FAR2: variants seen among roughly 807,000 people sequenced by gnomAD.
FAR2 encodes epididymis secretory protein Li 81.
FAR2 carries 19 observed loss-of-function variants against 56.0 expected under a neutral mutation model. The ratio of observed to expected loss-of-function variants is 0.34; its 90% CI spans 0.24 to 0.50. The LOEUF (loss-of-function observed/expected upper bound fraction) is 0.50, where lower values mean the gene tolerates loss of function less well. FAR2 is among the 20% of genes least tolerant of loss of function. FAR2 has a pLI of 0.98. For synonymous variants in FAR2, 219 were observed against 218.8 expected, an observed-to-expected ratio of 1.00 and a Z score of -0.01; for missense variants, 508 against 642.2, an observed-to-expected ratio of 0.79 and a Z score of 2.26.
rs552807425 is a variant in FAR2, at chr12:29,257,310, A to G, written c.-38-13102A>G. On this transcript the variant is annotated intron_variant, in intron 1 of 11. Coordinates refer to ENST00000536681, the MANE Select transcript of FAR2 (RefSeq NM_001271783.2). ...GAGAACCTTTGTGTGGACACTCTGTATCTAGCTAATCTGGTGGGGACGTGG... is the reference window on the plus strand; with the variant it reads ...GAGAACCTTTGTGTGGACACTCTGTGTCTAGCTAATCTGGTGGGGACGTGG... Among the ~76,000 whole-genome samples the G allele has an allele frequency of 4.1e-4, 62 of 151,674 alleles. No homozygotes were observed. In the East Asian group the frequency reaches 0.011, roughly 28 times the overall value.
chr12:29,195,096 C>A (rs556994180), intron 1 of FAR2, among the ~76,000 whole-genome samples: 3 of 152,254 alleles, frequency 2.0e-5, no homozygotes, highest in East Asian at 3.9e-4. Flanking sequence ...CCTATAAATT[C>A]TTGCTATTTA....
chr12:29,210,691 T>C (rs926370906), intron 1 of FAR2, among the ~76,000 whole-genome samples: 1 of 152,196 alleles, frequency 6.6e-6, no homozygotes, highest in Non-Finnish European at 1.5e-5. Flanking sequence ...GCTGGGCTCA[T>C]GCCTGTAATC....
chr12:29,212,107 G>A (rs536421943), intron 1 of FAR2, among the ~76,000 whole-genome samples: 8 of 151,744 alleles, frequency 5.3e-5, no homozygotes, highest in South Asian at 2.1e-4. Flanking sequence ...CTCAAAGTAC[G>A]TTCAGAAATA....
At chr12:29,188,778 G>GTT (rs1322697054) in intron 1 of FAR2, among the ~76,000 whole-genome samples, 2 of 138,798 alleles carry the variant, frequency 1.4e-5, no homozygotes, top group South Asian at 2.3e-4. Flanking sequence ...TTTGTTTTTT[G>GTT]TTTTTTTTTT....
chr12:29,311,996 C>A, intron 8 of FAR2, 46 bp downstream of exon 8: 1 of 1,432,292 alleles, frequency 7.0e-7, no homozygotes, highest in Non-Finnish European at 9.7e-7. Context: ...GTGTCTGGCA[C>A]AGAGAAAAAG....
rs1565489252 is a variant in FAR2 at position 29,253,207 on chromosome 12, G to GATATCTATCTAGATAGA, written c.-38-17205_-38-17204insATATCTATCTAGATAGA. ...TCTCTCTATCTATCTATCTAGATAG[G>GATATCTATCTAGATAGA]TATCTATATATCGATATCTATCTAG... On this transcript the variant is annotated intron_variant, in intron 1 of 11. Coordinates refer to ENST00000536681, the MANE Select transcript of FAR2 (RefSeq NM_001271783.2). Among the ~76,000 whole-genome samples, 19 of 84,004 alleles carry GATATCTATCTAGATAGA rather than the reference G, an allele frequency of 2.3e-4. 5 individuals carry two copies. The highest frequency in any genetic ancestry group is 8.6e-4 in the African/African-American group (16 of 18,670). 55.1% of individuals were successfully genotyped at this position (84,004 alleles called of 152,430 possible). A position where few individuals can be genotyped will look rare whatever the true frequency, so the allele number is the denominator to read the frequency against.
intron 1 of FAR2, among the ~76,000 whole-genome samples, chr12:29,170,838 G>A (rs770202852): frequency 1.7e-4 from 26 of 152,048 alleles, no homozygotes; most frequent in African/African-American, 6.3e-4. Context: ...TTATGCTGCT[G>A]TTCTCCCCTC....
chr12:29,321,671 T>G, intron 9 of FAR2, 124 bp from the exon 10 acceptor site: 1 of 1,132,280 alleles, frequency 8.8e-7, no homozygotes, highest in Non-Finnish European at 1.2e-6. Flanking sequence ...GAAGAAGAAT[T>G]TTAATGAGGA....
intron 1 of FAR2, among the ~76,000 whole-genome samples, chr12:29,167,539 C>T (rs1283177281): frequency 2.0e-5 from 3 of 152,198 alleles, no homozygotes; most frequent in African/African-American, 7.2e-5. Flanking sequence ...CATTTCATTT[C>T]ACTAACAAAT....
At chr12:29,315,360 G>A (rs1483865181) in intron 8 of FAR2, among the ~76,000 whole-genome samples, 2 of 152,180 alleles carry the variant, frequency 1.3e-5, no homozygotes, top group Non-Finnish European at 2.9e-5. Flanking sequence ...TCAGAGTGGT[G>A]GGCAGAGAGA....
At chr12:29,247,552 G>A (rs3948497) in intron 1 of FAR2, among the ~76,000 whole-genome samples, 46,658 of 151,942 alleles carry the variant, frequency 0.31, 9,014 homozygotes, top group Admixed American at 0.46. Context: ...CCTTGTTAAA[G>A]GTCTTCACAC....
chr12:29,248,057 A>T lies in FAR2; in HGVS notation c.-38-22355A>T, dbSNP rs574027153. On this transcript the variant is annotated intron_variant, in intron 1 of 11. Coordinates refer to ENST00000536681, the MANE Select transcript of FAR2 (RefSeq NM_001271783.2). Reference sequence around the variant, plus strand: ...TGTATTGTTATGTGTGACATCTGTGACCTTTGATGTTCATAGTAAATAGGT... The same window carrying T: ...TGTATTGTTATGTGTGACATCTGTGTCCTTTGATGTTCATAGTAAATAGGT... Among the ~76,000 whole-genome samples the T allele has an allele frequency of 3.9e-5, 6 of 152,314 alleles. No individual in the cohort carries two copies. The South Asian group carries it at 1.2e-3, about 32-fold the overall frequency.
At chr12:29,169,643 G>T (rs924912188) in intron 1 of FAR2, among the ~76,000 whole-genome samples, 1 of 152,184 alleles carries the variant, frequency 6.6e-6, no homozygotes, top group Non-Finnish European at 1.5e-5. Flanking sequence ...CCCTAAGAAG[G>T]TGCAGAGTCC....
At chr12:29,194,821 G>A (rs1467066836) in intron 1 of FAR2, among the ~76,000 whole-genome samples, 1 of 152,058 alleles carries the variant, frequency 6.6e-6, no homozygotes, top group Admixed American at 6.6e-5. Flanking sequence ...GAAGATGGAA[G>A]GGTTAGGCTG....
intron 10 of FAR2, among the ~76,000 whole-genome samples, chr12:29,324,199 A>C (rs911701083): frequency 6.6e-6 from 1 of 152,194 alleles, no homozygotes; most frequent in African/African-American, 2.4e-5. Flanking sequence ...GTTTAGAGAA[A>C]AAAGAATAAA....
At chr12:29,151,713 ATT>A (rs1444831299) in intron 1 of FAR2, 1 of 152,188 alleles carries the variant, frequency 6.6e-6, no homozygotes, top group African/African-American at 2.4e-5. Context: ...CAAACCTGAA[ATT>A]TATCTGCTGC....
At chr12:29,223,211 A>G (rs971912475) in intron 1 of FAR2, among the ~76,000 whole-genome samples, 1 of 152,188 alleles carries the variant, frequency 6.6e-6, no homozygotes, top group African/African-American at 2.4e-5. Flanking sequence ...AAGTTACTCA[A>G]TTATAATATG....
In FAR2 at chr12:29,211,516, T is replaced by C. The variant is rs188966282; in HGVS notation, c.-38-58896T>C. Among the ~76,000 whole-genome samples, 265 of 152,234 alleles carry C rather than the reference T, an allele frequency of 1.7e-3. 1 individual carries two copies. The highest frequency in any genetic ancestry group is 2.9e-3 in the Non-Finnish European group (200 of 68,024). ...TTTAGAAAACTATATTCAGAAAAAT[T>C]CAGTGCATGTCTAGTAACTGGTTGG... On this transcript the variant is annotated intron_variant, in intron 1 of 11. Coordinates refer to ENST00000536681, the MANE Select transcript of FAR2 (RefSeq NM_001271783.2).
chr12:29,292,725 T>C (rs1173033068), intron 2 of FAR2, among the ~76,000 whole-genome samples: 4 of 152,182 alleles, frequency 2.6e-5, no homozygotes, highest in African/African-American at 9.7e-5. Context: ...AATCCACATA[T>C]TGATCTGGCA....
Sources: gnomAD v4.1 joint callset for allele counts (sites outside exome capture counted in the v4.1 genomes callset) on GRCh38, gnomAD v4.1.1 for gene constraint, MANE v1.5 for transcripts, NCBI Gene and HGNC (gene_info 2026-07-23, HGNC 2026-07-21) for gene names.